Variants in TBX15 observed in about 807,000 individuals in gnomAD.
The protein encoded by TBX15 is T-box transcription factor TBX15.
Under a neutral mutation model 53.9 loss-of-function variants are expected in TBX15, and 18 were observed. The ratio of observed to expected loss-of-function variants is 0.33; its 90% CI spans 0.23 to 0.49. The LOEUF is 0.49. TBX15 is among the 20% of genes least tolerant of loss of function. The pLI is 0.98. For synonymous variants in TBX15, 295 were observed against 278.0 expected (o/e 1.06, Z -0.61); for missense variants, 692 against 749.5 (o/e 0.92, Z 0.90).
chr1:118,987,565 C>G, intron 1 of TBX15, 26 bp downstream of exon 1: 3 of 1,536,902 alleles, frequency 2.0e-6, no homozygotes, highest in Non-Finnish European at 2.6e-6. Flanking sequence ...CCGCCCGCCT[C>G]CCGCGGTCGG....
chr1:118,966,023 T>C (rs1224250949), intron 1 of TBX15, among the ~76,000 whole-genome samples: 2 of 152,184 alleles, frequency 1.3e-5, no homozygotes, highest in Non-Finnish European at 2.9e-5. Flanking sequence ...TTCTCACTGT[T>C]CATTTTGGGC....
At chr1:118,954,501 C>T (rs1656615079) in intron 1 of TBX15, among the ~76,000 whole-genome samples, 1 of 152,142 alleles carries the variant, frequency 6.6e-6, no homozygotes, top group Non-Finnish European at 1.5e-5. Context: ...AGCCCTACAA[C>T]AGGATCACAG....
At chr1:118,950,884 G>A (rs1350808649) in intron 1 of TBX15, among the ~76,000 whole-genome samples, 1 of 152,156 alleles carries the variant, frequency 6.6e-6, no homozygotes, top group Non-Finnish European at 1.5e-5. Flanking sequence ...ACATCACCAT[G>A]TCATCTTGGT....
At chr1:118,939,950 C>T (rs1287298092) in intron 1 of TBX15, among the ~76,000 whole-genome samples, 1 of 151,782 alleles carries the variant, frequency 6.6e-6, no homozygotes, top group Non-Finnish European at 1.5e-5. Flanking sequence ...AAACCTGAGG[C>T]ATGACATGAA....
intron 1 of TBX15, among the ~76,000 whole-genome samples, chr1:118,936,418 T>C (rs184464802): frequency 1.4e-3 from 219 of 152,306 alleles, no homozygotes; most frequent in African/African-American, 4.8e-3. Flanking sequence ...GTTACTGCAG[T>C]GAACAAAGCA....
At chr1:118,970,192 A>G (rs1037962224) in intron 1 of TBX15, among the ~76,000 whole-genome samples, 9 of 152,126 alleles carry the variant, frequency 5.9e-5, no homozygotes, top group African/African-American at 1.9e-4. Context: ...TTTCTTCATA[A>G]ATTACCCAGT....
At chr1:118,945,835 A>T (rs962891411) in intron 1 of TBX15, among the ~76,000 whole-genome samples, 7 of 152,250 alleles carry the variant, frequency 4.6e-5, no homozygotes, top group Non-Finnish European at 8.8e-5. Context: ...TCCACCAACC[A>T]GTCAAAAATC....
chr1:118,971,065 T>C (rs895456338), intron 1 of TBX15, among the ~76,000 whole-genome samples: 1 of 152,148 alleles, frequency 6.6e-6, no homozygotes. Flanking sequence ...TTTTCTCCCT[T>C]GCTGGGCAGA....
intron 1 of TBX15, among the ~76,000 whole-genome samples, chr1:118,964,375 C>T (rs954709157): frequency 5.9e-5 from 9 of 152,160 alleles, no homozygotes; most frequent in Non-Finnish European, 1.2e-4. Context: ...ATTAATAGAT[C>T]ACTAATTGTT....
chr1:118,897,268 T>G (rs1285489132), intron 7 of TBX15, among the ~76,000 whole-genome samples: 1 of 152,156 alleles, frequency 6.6e-6, no homozygotes, highest in Non-Finnish European at 1.5e-5. Context: ...AGTTTGAGAG[T>G]GGCTCTGCCC....
chr1:118,906,522 AG>A (rs1654834110), intron 6 of TBX15, among the ~76,000 whole-genome samples: 1 of 152,138 alleles, frequency 6.6e-6, no homozygotes, highest in African/African-American at 2.4e-5. Context: ...GCCCTCCAAC[AG>A]GGGACGCCTA....
chr1:118,931,655 T>G lies in TBX15; in HGVS notation c.383A>C (p.Asp128Ala). 6.2e-7 allele frequency: 1 copy of G among 1,614,154 alleles called. No homozygotes were observed. Among genetic ancestry groups the G allele is most frequent in the South Asian group, 1.1e-5 (1 of 91,078 alleles). The change falls in exon 2 of 8, where the codon GAT becomes GCT. Residue 128 changes from aspartate (D) to alanine (A), a missense_variant. By Grantham distance (126) the Asp-to-Ala change is moderately radical. Coordinates refer to ENST00000369429, the MANE Select transcript of TBX15 (RefSeq NM_001330677.2). ...GGTGATGATCATTTCAGTTCCAATA[T>G]CATGGAACCGCTTCCAGAGGTCAGC... ...QCADLWKRFH[D>A]IGTEMIITKA... is the part of the protein sequence containing the mutation.
At chr1:118,902,369 G>T (rs966581864) in intron 6 of TBX15, among the ~76,000 whole-genome samples, 1 of 152,068 alleles carries the variant, frequency 6.6e-6, no homozygotes, top group South Asian at 2.1e-4. Context: ...TAGTATGGTC[G>T]CATCTCAAGG....
At chr1:118,898,208 G>A (rs947201831) in intron 7 of TBX15, among the ~76,000 whole-genome samples, 1 of 152,150 alleles carries the variant, frequency 6.6e-6, no homozygotes. Context: ...TAACTCCAGA[G>A]TCTATGCTTT....
chr1:118,939,686 C>G (rs2765537), intron 1 of TBX15, among the ~76,000 whole-genome samples: 1 of 144,838 alleles, frequency 6.9e-6, no homozygotes, highest in Admixed American at 6.8e-5. Flanking sequence ...TCCCCTAGAT[C>G]TAAAATAAAA....
chr1:118,885,978 C>A (rs1482653072), intron 7 of TBX15, among the ~76,000 whole-genome samples: 1 of 152,128 alleles, frequency 6.6e-6, no homozygotes, highest in Non-Finnish European at 1.5e-5. Flanking sequence ...CCTACTTTGC[C>A]ATTTTTAGTC....
In TBX15 at chr1:118,902,042, C is replaced by T. The variant is rs577586367; in HGVS notation, c.927-2917G>A. ...CATGTCTTATTAATCCACAGTGGAT[C>T]TATGTCTTATAAATATATCCTACAT... On this transcript the variant is annotated intron_variant, in intron 6 of 7. Coordinates refer to ENST00000369429, the MANE Select transcript of TBX15 (RefSeq NM_001330677.2). Among the ~76,000 whole-genome samples the T allele has an allele frequency of 1.8e-4, 27 of 152,078 alleles. No homozygotes were observed. In the East Asian group the frequency reaches 4.6e-3, roughly 26 times the overall value.
intron 1 of TBX15, among the ~76,000 whole-genome samples, chr1:118,958,949 T>C (rs1485988893): frequency 2.0e-5 from 3 of 152,078 alleles, no homozygotes; most frequent in South Asian, 2.1e-4. Context: ...GTTCCAGTAT[T>C]ATAAATACTA....
At chr1:118,968,221 T>C (rs1348241580) in intron 1 of TBX15, among the ~76,000 whole-genome samples, 3 of 152,144 alleles carry the variant, frequency 2.0e-5, no homozygotes, top group African/African-American at 7.2e-5. Flanking sequence ...CTTTTTCTTT[T>C]TTTTCTATTT....
Sources: gnomAD v4.1 joint callset for allele counts (sites outside exome capture counted in the v4.1 genomes callset) on GRCh38, gnomAD v4.1.1 for gene constraint, MANE v1.5 for transcripts, NCBI Gene and HGNC (gene_info 2026-07-23, HGNC 2026-07-21) for gene names.